Variants in RALYL observed in about 807,000 individuals in gnomAD.
RALYL encodes the protein RNA-binding Raly-like protein.
A neutral mutation model predicts 35.1 loss-of-function variants in RALYL; 29 were observed. The observed-to-expected ratio is 0.83, with a 90% confidence interval of 0.61 to 1.13. The LOEUF is 1.13. Among genes scored for constraint, RALYL ranks in the 50% most tolerant of loss-of-function variants. The probability of loss-of-function intolerance (pLI) is 0.00; values close to 1 mark genes in which losing one functional copy is unlikely to be tolerated. For synonymous variants in RALYL, 120 were observed against 127.6 expected, an observed-to-expected ratio of 0.94 and a Z score of 0.40; for missense variants, 359 against 360.4, an observed-to-expected ratio of 1.00 and a Z score of 0.03.
intron 1 of RALYL, among the ~76,000 whole-genome samples, chr8:84,516,658 C>T (rs2058089275): frequency 6.6e-6 from 1 of 152,104 alleles, no homozygotes; most frequent in African/African-American, 2.4e-5. Flanking sequence ...AGACTTCACA[C>T]CTTTCTCCAC....
chr8:84,425,353 A>G (rs1340868335), intron 1 of RALYL, among the ~76,000 whole-genome samples: 1 of 152,070 alleles, frequency 6.6e-6, no homozygotes, highest in Admixed American at 6.5e-5. Context: ...TCGGAAAGGG[A>G]ACTCCCTGAC....
intron 1 of RALYL, among the ~76,000 whole-genome samples, chr8:84,476,803 C>T (rs565908672): frequency 1.2e-3 from 181 of 152,286 alleles, no homozygotes; most frequent in Middle Eastern, 3.4e-3. Flanking sequence ...AGGAGCACAA[C>T]ATTAAGGAGA....
At chr8:84,557,021 C>T (rs2061170816) in intron 2 of RALYL, among the ~76,000 whole-genome samples, 2 of 152,094 alleles carry the variant, frequency 1.3e-5, no homozygotes, top group Non-Finnish European at 2.9e-5. Context: ...GAGATACAGC[C>T]GCAGATCTGA....
At chr8:84,797,363 G>A (rs1822185336) in intron 3 of RALYL, among the ~76,000 whole-genome samples, 1 of 152,192 alleles carries the variant, frequency 6.6e-6, no homozygotes, top group Non-Finnish European at 1.5e-5. Flanking sequence ...ACAGCACTGT[G>A]TGGCTTTAAA....
intron 1 of RALYL, among the ~76,000 whole-genome samples, chr8:84,374,082 G>A (rs1856458215): frequency 6.6e-6 from 1 of 152,026 alleles, no homozygotes; most frequent in South Asian, 2.1e-4. Context: ...TGTTGAAGTT[G>A]TTTATCAGCT....
intron 1 of RALYL, among the ~76,000 whole-genome samples, chr8:84,252,762 C>T (rs1830450880): frequency 6.6e-6 from 1 of 152,054 alleles, no homozygotes; most frequent in East Asian, 1.9e-4. Context: ...CTGAAATAGG[C>T]CTAACTGTTG....
At chr8:84,577,840 C>T (rs928902106) in intron 2 of RALYL, among the ~76,000 whole-genome samples, 5 of 152,058 alleles carry the variant, frequency 3.3e-5, no homozygotes, top group Non-Finnish European at 5.9e-5. Flanking sequence ...AAAAAGATAT[C>T]CTAAGCCAAT....
chr8:84,775,209 G>A (rs1816551611), intron 3 of RALYL, among the ~76,000 whole-genome samples: 1 of 152,162 alleles, frequency 6.6e-6, no homozygotes, highest in Non-Finnish European at 1.5e-5. Context: ...GCCTGTCTCA[G>A]CCTCCCAAAG....
intron 1 of RALYL, among the ~76,000 whole-genome samples, chr8:84,322,927 G>C (rs1351013516): frequency 6.6e-6 from 1 of 152,078 alleles, no homozygotes; most frequent in Admixed American, 6.6e-5. Context: ...TATGTGAAAA[G>C]ACTATTGGTG....
intron 1 of RALYL, among the ~76,000 whole-genome samples, chr8:84,263,851 G>A (rs1332927143): frequency 6.6e-6 from 1 of 152,166 alleles, no homozygotes; most frequent in East Asian, 1.9e-4. Flanking sequence ...ACTTATAAGT[G>A]AGAACATGTG....
At chr8:84,407,018 C>CTCTATA (rs1441765212) in intron 1 of RALYL, among the ~76,000 whole-genome samples, 1 of 148,106 alleles carries the variant, frequency 6.8e-6, no homozygotes, top group Non-Finnish European at 1.5e-5. Context: ...CTCTCTCTCT[C>CTCTATA]TATATATATA....
At chr8:84,560,291 A>G (rs779519732) in intron 2 of RALYL, among the ~76,000 whole-genome samples, 22 of 152,026 alleles carry the variant, frequency 1.4e-4, no homozygotes, top group Non-Finnish European at 3.1e-4. Flanking sequence ...ACAATAGGAA[A>G]AGAGACAATT....
intron 2 of RALYL, among the ~76,000 whole-genome samples, chr8:84,578,738 C>T (rs1319180091): frequency 6.6e-6 from 1 of 152,188 alleles, no homozygotes; most frequent in Non-Finnish European, 1.5e-5. Context: ...CTTTCACAGG[C>T]AAGCTGTCCC....
At chr8:84,275,963 A>T (rs1835292926) in intron 1 of RALYL, among the ~76,000 whole-genome samples, 3 of 152,164 alleles carry the variant, frequency 2.0e-5, no homozygotes, top group Admixed American at 2.0e-4. Flanking sequence ...TTTTAAAAAA[A>T]ATATATCATT....
In RALYL at chr8:84,245,816, G is replaced by A. The variant is rs147103180; in HGVS notation, c.-24+61392G>A. Among the ~76,000 whole-genome samples, 431 of 152,088 alleles carry A rather than the reference G, an allele frequency of 2.8e-3. 1 individual carries two copies. The highest frequency in any genetic ancestry group is 9.8e-3 in the African/African-American group (405 of 41,516). On this transcript the variant is annotated intron_variant, in intron 1 of 8. Coordinates refer to ENST00000521268, the MANE Select transcript of RALYL (RefSeq NM_173848.7). ...TAAACTGCTCCAGAATACAGAATCAGGATCAATGAATAAAGGTTATGAGAA... is the reference window on the plus strand; with the variant it reads ...TAAACTGCTCCAGAATACAGAATCAAGATCAATGAATAAAGGTTATGAGAA...
chr8:84,532,937 C>G (rs1301150203), intron 2 of RALYL, among the ~76,000 whole-genome samples: 5 of 151,984 alleles, frequency 3.3e-5, no homozygotes, highest in Admixed American at 3.3e-4. Context: ...CATGTTTATT[C>G]TTAGCTTCTG....
rs1041632509 is a variant in RALYL, at chr8:84,661,325, C to G, written c.257-113254C>G. Reference sequence around the variant, plus strand: ...GTAAGATATATGAGTCAAAGTCACCCACTCCTCTGATAAATCAATTTCATT... The same window carrying G: ...GTAAGATATATGAGTCAAAGTCACCGACTCCTCTGATAAATCAATTTCATT... On this transcript the variant is annotated intron_variant, in intron 2 of 8. Transcript: ENST00000521268. Among the ~76,000 whole-genome samples, 8 of 152,078 alleles carry G rather than the reference C, an allele frequency of 5.3e-5. 1 individual carries two copies. In the East Asian group the frequency reaches 7.7e-4, roughly 15 times the overall value.
At chr8:84,703,415 G>A (rs1230186175) in intron 2 of RALYL, among the ~76,000 whole-genome samples, 2 of 152,082 alleles carry the variant, frequency 1.3e-5, no homozygotes, top group African/African-American at 4.8e-5. Flanking sequence ...GTACAAGTCT[G>A]GCTGTTTGTT....
chr8:84,258,025 C>G lies in RALYL; in HGVS notation c.-24+73601C>G, dbSNP rs528572871. 1.2e-4 allele frequency among the ~76,000 whole-genome samples: 18 copies of G among 152,178 alleles called. No individual in the cohort carries two copies. In the East Asian group the frequency reaches 3.3e-3, roughly 28 times the overall value. The stretch of plus-strand genomic sequence containing the variant: ...TGAATTTAGAGTTCTTGTTGGGTAT[C>G]TACACGAAAATTCTAGAAGATATCT... On this transcript the variant is annotated intron_variant, in intron 1 of 8. Transcript: ENST00000521268.
Sources: gnomAD v4.1 joint callset for allele counts (sites outside exome capture counted in the v4.1 genomes callset) on GRCh38, gnomAD v4.1.1 for gene constraint, MANE v1.5 for transcripts, NCBI Gene and HGNC (gene_info 2026-07-23, HGNC 2026-07-21) for gene names.